The following CCSER2 variants were observed in gnomAD, a reference collection of about 807,000 sequenced individuals.
The protein encoded by CCSER2 is serine-rich coiled-coil domain-containing protein 2.
Under a neutral mutation model 92.3 loss-of-function variants are expected in CCSER2, and 46 were observed. The observed-to-expected ratio is 0.50, with a 90% CI of 0.39 to 0.64. CCSER2 has a LOEUF of 0.64. Ranked by LOEUF, CCSER2 falls within the 30% of genes least tolerant of loss-of-function variation. The pLI is 0.00. For missense variants in CCSER2, 1,244 were observed against 1,238.9 expected (o/e 1.00, Z -0.06); for synonymous variants, 433 against 431.4 (o/e 1.00, Z -0.04).
chr10:84,376,114 C>T (rs1363729729), intron 3 of CCSER2, among the ~76,000 whole-genome samples: 1 of 152,116 alleles, frequency 6.6e-6, no homozygotes, highest in African/African-American at 2.4e-5. Context: ...TGTTGATATA[C>T]ATTCTGATGC....
chr10:84,457,431 ATT>A (rs1845799101), intron 6 of CCSER2, among the ~76,000 whole-genome samples: 1 of 24,712 alleles, frequency 4.0e-5, no homozygotes, highest in African/African-American at 1.4e-4. Context: ...TTAAAATTAT[ATT>A]TATATATAAA....
At chr10:84,400,785 G>C (rs1187704421) in intron 3 of CCSER2, among the ~76,000 whole-genome samples, 1 of 152,016 alleles carries the variant, frequency 6.6e-6, no homozygotes, top group South Asian at 2.1e-4. Context: ...GTGGTGGCGG[G>C]CACCTGTAAT....
At chr10:84,450,849 G>T (rs80335259) in intron 6 of CCSER2, among the ~76,000 whole-genome samples, 1 of 152,038 alleles carries the variant, frequency 6.6e-6, no homozygotes, top group South Asian at 2.1e-4. Context: ...TGTTGCAAAG[G>T]GTAACAAATT....
intron 1 of CCSER2, among the ~76,000 whole-genome samples, chr10:84,358,676 A>ATATATATACATATATATATATG (rs1417501147): frequency 8.5e-5 from 12 of 141,650 alleles, no homozygotes; most frequent in African/African-American, 3.5e-4. Context: ...ACATATATGT[A>ATATATATACATATATATATATG]TATATATATA....
At chr10:84,329,565 A>G (rs1843447064) in intron 1 of CCSER2, among the ~76,000 whole-genome samples, 1 of 152,228 alleles carries the variant, frequency 6.6e-6, no homozygotes. Flanking sequence ...TTGAGCTTTA[A>G]GCTTTTTAAA....
intron 8 of CCSER2, among the ~76,000 whole-genome samples, chr10:84,474,866 TA>T (rs991040091): frequency 7.2e-5 from 11 of 152,144 alleles, no homozygotes; most frequent in Admixed American, 3.3e-4. Context: ...AGTCCCTAAC[TA>T]AAAGTGATTT....
chr10:84,471,124 A>G (rs1020341482), intron 8 of CCSER2, among the ~76,000 whole-genome samples: 1 of 152,158 alleles, frequency 6.6e-6, no homozygotes, highest in South Asian at 2.1e-4. Flanking sequence ...TTGGTCTAAC[A>G]AAGCAATTTG....
intron 4 of CCSER2, among the ~76,000 whole-genome samples, chr10:84,422,848 G>A (rs1843218806): frequency 6.6e-6 from 1 of 152,108 alleles, no homozygotes; most frequent in African/African-American, 2.4e-5. Context: ...GAGGTCAGGG[G>A]TTCAAGACCA....
chr10:84,351,832 T>C lies in CCSER2; in HGVS notation c.-39-19182T>C, dbSNP rs546104919. ...GTTAAAGAATGCTTATTTTGTGGCC[T>C]TACCACATTATAATAATAGCCACAT... On this transcript the variant is annotated intron_variant, in intron 1 of 9. Coordinates refer to ENST00000372088, the MANE Select transcript of CCSER2 (RefSeq NM_001284240.2). Among the ~76,000 whole-genome samples, 23 of 152,362 alleles carry C rather than the reference T, an allele frequency of 1.5e-4. No individual in the cohort carries two copies. The South Asian group carries it at 4.6e-3, about 30-fold the overall frequency.
chr10:84,387,388 C>T (rs1041521256), intron 3 of CCSER2, among the ~76,000 whole-genome samples: 7 of 152,212 alleles, frequency 4.6e-5, no homozygotes, highest in Admixed American at 1.3e-4. Context: ...TTTAGGTGCT[C>T]GATAAATGGC....
chr10:84,396,035 T>A (rs1205981606), intron 3 of CCSER2, among the ~76,000 whole-genome samples: 1 of 152,118 alleles, frequency 6.6e-6, no homozygotes, highest in Non-Finnish European at 1.5e-5. Flanking sequence ...TTTCCGTATA[T>A]ATTAAAGACC....
intron 1 of CCSER2, among the ~76,000 whole-genome samples, chr10:84,354,295 T>A (rs929845485): frequency 6.6e-6 from 1 of 152,014 alleles, no homozygotes; most frequent in Middle Eastern, 3.4e-3. Flanking sequence ...ATAGAGTATG[T>A]TTCCTGACTG....
At chr10:84,469,030 T>C (rs1332605727) in intron 7 of CCSER2, among the ~76,000 whole-genome samples, 1 of 152,182 alleles carries the variant, frequency 6.6e-6, no homozygotes, top group Non-Finnish European at 1.5e-5. Flanking sequence ...GAGAACTGGC[T>C]ACTTGTCTGT....
intron 5 of CCSER2, among the ~76,000 whole-genome samples, chr10:84,435,653 A>C (rs1237821039): frequency 3.5e-5 from 5 of 143,678 alleles, no homozygotes; most frequent in African/African-American, 1.3e-4. Context: ...AAAAAAAAAA[A>C]AAACAAGAAC....
At chr10:84,500,133 T>C (rs1180498985) in intron 9 of CCSER2, 1 of 306,092 alleles carries the variant, frequency 3.3e-6, no homozygotes, top group East Asian at 1.7e-4. Flanking sequence ...TTACTGCATG[T>C]AAACAGACCT....
chr10:84,331,400 A>G (rs764035544), intron 1 of CCSER2, among the ~76,000 whole-genome samples: 5 of 152,142 alleles, frequency 3.3e-5, no homozygotes, highest in Non-Finnish European at 5.9e-5. Context: ...AACCTTCACT[A>G]TTCCTCTCAG....
intron 3 of CCSER2, among the ~76,000 whole-genome samples, chr10:84,376,230 T>C (rs1025114192): frequency 2.0e-5 from 3 of 152,160 alleles, no homozygotes; most frequent in Non-Finnish European, 4.4e-5. Flanking sequence ...ATGCTACCAG[T>C]ATTATGCAGA....
rs1336634806 is a variant in CCSER2 at position 84,332,434 on chromosome 10, A to ATTTTT, written c.-40+3627_-40+3628insTTTTT. Among the ~76,000 whole-genome samples, 245 of 66,030 alleles carry ATTTTT rather than the reference A, an allele frequency of 3.7e-3. 8 individuals are homozygous for ATTTTT. The highest frequency in any genetic ancestry group is 0.011 in the African/African-American group (134 of 11,888). 43.3% of individuals were successfully genotyped at this position (66,030 alleles called of 152,430 possible). ...TTTTTATATATATATATATATATATATATTTTTTTTTTTTTTTTTTTTTGA... is the reference window on the plus strand; with the variant it reads ...TTTTTATATATATATATATATATATATTTTTTATTTTTTTTTTTTTTTTTTTTTGA... On this transcript the variant is annotated intron_variant, in intron 1 of 9. Transcript: ENST00000372088.
At chr10:84,510,197 T>G (rs770348098) in intron 9 of CCSER2, among the ~76,000 whole-genome samples, 9 of 152,208 alleles carry the variant, frequency 5.9e-5, no homozygotes, top group African/African-American at 9.6e-5. Context: ...ACATGGCATG[T>G]TCTTTTTTTG....
Sources: gnomAD v4.1 joint callset for allele counts (sites outside exome capture counted in the v4.1 genomes callset) on GRCh38, gnomAD v4.1.1 for gene constraint, MANE v1.5 for transcripts, NCBI Gene and HGNC (gene_info 2026-07-23, HGNC 2026-07-21) for gene names.